Variants in ABCC12 observed in about 807,000 individuals in gnomAD.
The protein encoded by ABCC12 is ATP-binding cassette sub-family C member 12.
In ABCC12, 142 loss-of-function variants were observed where a neutral mutation model predicts 151.1. The observed-to-expected ratio is 0.94, with a 90% CI of 0.82 to 1.08. The LOEUF is 1.08. Among genes scored for constraint, ABCC12 ranks in the 50% least tolerant of loss-of-function variants. ABCC12 has a pLI of 0.00. For missense variants in ABCC12, 1,638 were observed against 1,691.1 expected (o/e 0.97, Z 0.55); for synonymous variants, 645 against 646.4 (o/e 1.00, Z 0.03).
At chr16:48,085,869 C>G (rs952702901) in intron 28 of ABCC12, among the ~76,000 whole-genome samples, 163 bp from the exon 29 acceptor site, 1 of 152,062 alleles carries the variant, frequency 6.6e-6, no homozygotes, top group Non-Finnish European at 1.5e-5. Flanking sequence ...AAACAGGCAC[C>G]AGGGAAAGAC....
chr16:48,104,086 T>C lies in ABCC12; in HGVS notation c.2900+56A>G, dbSNP rs528584685. ...GCACTCCATGCTCAATATCACCTGA[T>C]ACCCAGTCAGTGTGTGTGTGTATCG... On this transcript the variant is annotated intron_variant, in intron 22 of 30. Coordinates refer to ENST00000311303, the MANE Select transcript of ABCC12 (RefSeq NM_001393797.1). 14 of 1,546,494 alleles carry C rather than the reference T, an allele frequency of 9.1e-6. No individual in the cohort carries two copies. In the African/African-American group the frequency reaches 1.9e-4, roughly 21 times the overall value.
In ABCC12 at chr16:48,113,608, G is replaced by A. The variant is rs150480615; in HGVS notation, c.1990-1698C>T. Among the ~76,000 whole-genome samples the A allele has an allele frequency of 5.3e-3, 801 of 152,306 alleles. 4 individuals carry two copies. The highest frequency in any genetic ancestry group is 0.017 in the African/African-American group (726 of 41,550). ...AGGGGATAGGCTCTGGAAAAGCCCCGGGCCGCAGTTCTGGGGCTCTAAGTT... is the reference window on the plus strand; with the variant it reads ...AGGGGATAGGCTCTGGAAAAGCCCCAGGCCGCAGTTCTGGGGCTCTAAGTT... On this transcript the variant is annotated intron_variant, in intron 15 of 30. Transcript: ENST00000311303.
intron 25 of ABCC12, among the ~76,000 whole-genome samples, chr16:48,090,027 G>A (rs916356914): frequency 3.3e-5 from 5 of 152,128 alleles, no homozygotes; most frequent in African/African-American, 1.2e-4. Context: ...ATTTTAAAAT[G>A]CAGTTTAAAA....
intron 3 of ABCC12, among the ~76,000 whole-genome samples, chr16:48,144,469 C>T (rs1284025849): frequency 6.6e-6 from 1 of 151,606 alleles, no homozygotes; most frequent in Non-Finnish European, 1.5e-5. Context: ...TCCTTCTCCT[C>T]TTCTTCCTCC....
intron 12 of ABCC12, among the ~76,000 whole-genome samples, chr16:48,122,796 A>G (rs1964116314): frequency 6.6e-6 from 1 of 152,240 alleles, no homozygotes; most frequent in African/African-American, 2.4e-5. Context: ...AATTAAATGT[A>G]TGTTCAATGT....
intron 18 of ABCC12, among the ~76,000 whole-genome samples, chr16:48,109,480 C>G (rs1244169816): frequency 6.6e-6 from 1 of 152,206 alleles, no homozygotes; most frequent in Non-Finnish European, 1.5e-5. Flanking sequence ...GACTCCAAAG[C>G]AGAATTATAC....
chr16:48,150,285 A>C (rs1965099527), intron 2 of ABCC12, among the ~76,000 whole-genome samples: 2 of 152,228 alleles, frequency 1.3e-5, no homozygotes, highest in Non-Finnish European at 1.5e-5. Context: ...CATGCAAAAA[A>C]TATTTTTGTG....
At chr16:48,123,486 T>C (rs1964139402) in intron 12 of ABCC12, among the ~76,000 whole-genome samples, 1 of 152,104 alleles carries the variant, frequency 6.6e-6, no homozygotes, top group East Asian at 1.9e-4. Context: ...CCCACCACCC[T>C]ATTCTGGAGT....
At position 48,144,000 on chromosome 16, in the gene ABCC12, G is replaced by A. The variant is rs140339167; in HGVS notation, c.185C>T (p.Pro62Leu). 124 of 1,614,204 alleles carry A rather than the reference G, an allele frequency of 7.7e-5. No homozygotes were observed. The highest frequency in any genetic ancestry group is 6.7e-4 in the East Asian group (30 of 44,876). Residue 62 changes from proline (P) to leucine (L), a missense_variant, in exon 4 of 31, where the codon CCG becomes CTG. Transcript: ENST00000311303. ...TTGCCGGTAGCCTTTCACCATCACC[G>A]GCGTGAGCCAGGAAAATGTGGCGAA... ...LSFATFSWLT[P>L]VMVKGYRQRL...
chr16:48,137,326 G>C (rs1349516071), intron 8 of ABCC12, among the ~76,000 whole-genome samples: 2 of 152,210 alleles, frequency 1.3e-5, no homozygotes, highest in Admixed American at 6.5e-5. Flanking sequence ...CCATGGCCTT[G>C]CACAAAGTAG....
At chr16:48,133,965 G>C in intron 8 of ABCC12, 130 bp from the exon 9 acceptor site, 3 of 1,129,194 alleles carry the variant, frequency 2.7e-6, no homozygotes, top group South Asian at 1.7e-5. Flanking sequence ...GTTTAAATGA[G>C]AGGAACCACA....
chr16:48,107,746 A>C (rs1038400245), intron 19 of ABCC12, among the ~76,000 whole-genome samples: 1 of 152,244 alleles, frequency 6.6e-6, no homozygotes, highest in African/African-American at 2.4e-5. Context: ...TCACGCCTGT[A>C]ATCCCAGCAC....
chr16:48,138,478 G>A, intron 7 of ABCC12, 103 bp from the exon 8 acceptor site: 2 of 1,375,706 alleles, frequency 1.5e-6, no homozygotes, highest in Middle Eastern at 2.5e-4. Context: ...AGTTCTAAAG[G>A]AAGTTGGCTT....
At chr16:48,127,530 C>T (rs527878345) in intron 11 of ABCC12, among the ~76,000 whole-genome samples, 24 of 152,274 alleles carry the variant, frequency 1.6e-4, no homozygotes, top group African/African-American at 5.8e-4. Context: ...GTTAAGAGCC[C>T]AGACTCTGCA....
intron 27 of ABCC12, 145 bp downstream of exon 27, chr16:48,087,781 C>A: frequency 2.5e-6 from 2 of 805,452 alleles, no homozygotes; most frequent in African/African-American, 1.7e-5. Context: ...CAGGGACCAG[C>A]AGTGCTTGTG....
At position 48,086,762 on chromosome 16, in the gene ABCC12, C is replaced by G. The variant is rs1270953768; in HGVS notation, c.3693G>C (p.Glu1231Asp). Reference sequence around the variant, plus strand: ...CTACTGTGTCTCTCATGAATGTTCTCTCCAGAACCTGCCAGAGCATCTCAT... The same window carrying G: ...CTACTGTGTCTCTCATGAATGTTCTGTCCAGAACCTGCCAGAGCATCTCAT... ...HTDEMLWQVL[E>D]RTFMRDTIMK... is the part of the protein sequence containing the mutation. The change falls in exon 28 of 31, where the codon GAG (glutamate) becomes GAC (aspartate). Residue 1231 changes from glutamate to aspartate, a missense_variant. Physicochemically the swap from Glu to Asp is conservative, Grantham distance 45 (BLOSUM62 2). Transcript: ENST00000311303. The G allele has an allele frequency of 6.2e-7, 1 of 1,613,908 alleles. No homozygotes were observed. Among genetic ancestry groups the G allele is most frequent in the Non-Finnish European group, 8.5e-7 (1 of 1,179,846 alleles).
intron 23 of ABCC12, among the ~76,000 whole-genome samples, chr16:48,099,077 G>A (rs770146755): frequency 6.6e-6 from 1 of 152,160 alleles, no homozygotes; most frequent in Admixed American, 6.5e-5. Context: ...GATCCTGGGT[G>A]GTAAAATGGA....
chr16:48,121,714 AC>A lies in ABCC12; in HGVS notation c.1712+1del. The A allele has an allele frequency of 6.2e-7, 1 of 1,613,970 alleles. No individual in the cohort carries two copies. The highest frequency in any genetic ancestry group is 8.5e-7 in the Non-Finnish European group (1 of 1,179,982). On this transcript the variant is annotated splice_donor_variant, in intron 13 of 30. Coordinates refer to ENST00000311303, the MANE Select transcript of ABCC12 (RefSeq NM_001393797.1). LOFTEE classifies it high-confidence loss of function. The stretch of plus-strand genomic sequence containing the variant: ...GCCTCCTGCTTTAAAAGTTAATATT[AC>A]CTTTGGTGATCATACTTTTCTCCAA...
At chr16:48,094,582 C>T (rs1397105132) in intron 24 of ABCC12, among the ~76,000 whole-genome samples, 5 of 152,200 alleles carry the variant, frequency 3.3e-5, no homozygotes, top group African/African-American at 7.2e-5. Flanking sequence ...TCTTCTTTCT[C>T]CTAACCAGAG....
Sources: gnomAD v4.1 joint callset for allele counts (sites outside exome capture counted in the v4.1 genomes callset) on GRCh38, gnomAD v4.1.1 for gene constraint, MANE v1.5 for transcripts, NCBI Gene and HGNC (gene_info 2026-07-23, HGNC 2026-07-21) for gene names.